CCDC171: variants seen among roughly 807,000 people sequenced by gnomAD.
CCDC171 encodes the protein coiled-coil domain containing 171, also known as coiled-coil domain-containing protein 171.
In CCDC171, 177 loss-of-function variants were observed where a neutral mutation model predicts 168.2. The observed-to-expected ratio is 1.05, with a 90% CI of 0.93 to 1.19. CCDC171 has a LOEUF of 1.19. CCDC171 is among the 50% of genes most tolerant of loss of function. CCDC171 has a pLI of 0.00. For missense variants in CCDC171, 1,991 were observed against 1,539.0 expected (o/e 1.29, Z -4.91); for synonymous variants, 687 against 540.8 (o/e 1.27, Z -3.75).
intron 23 of CCDC171, among the ~76,000 whole-genome samples, chr9:15,855,039 A>G (rs1300175827): frequency 1.3e-5 from 2 of 151,686 alleles, no homozygotes; most frequent in African/African-American, 4.8e-5. Context: ...GCATTTTAAA[A>G]GAATATGTAT....
intron 21 of CCDC171, among the ~76,000 whole-genome samples, chr9:15,792,626 C>G (rs545953330): frequency 6.6e-6 from 1 of 152,132 alleles, no homozygotes; most frequent in Non-Finnish European, 1.5e-5. Context: ...GCGGATCTCT[C>G]GGCAGAAACT....
chr9:15,887,833 A>G (rs1004819052), intron 24 of CCDC171: 12 of 152,064 alleles, frequency 7.9e-5, no homozygotes, highest in Admixed American at 6.6e-5. Context: ...CCTTCCTTCA[A>G]TTTTAGAAAA....
intron 18 of CCDC171, among the ~76,000 whole-genome samples, chr9:15,766,162 T>G (rs1457571103): frequency 1.3e-5 from 2 of 152,152 alleles, no homozygotes; most frequent in East Asian, 1.9e-4. Flanking sequence ...CCTAGGTCAC[T>G]CTGTGTCACC....
chr9:15,719,490 A>G (rs998848967), intron 11 of CCDC171, among the ~76,000 whole-genome samples: 7 of 151,862 alleles, frequency 4.6e-5, no homozygotes, highest in African/African-American at 1.7e-4. Flanking sequence ...TTCCAAAGCT[A>G]GAGAAATATA....
chr9:15,593,407 AT>A (rs1398837668), intron 5 of CCDC171, among the ~76,000 whole-genome samples: 4 of 152,148 alleles, frequency 2.6e-5, no homozygotes, highest in Non-Finnish European at 2.9e-5. Flanking sequence ...AAAGGAAAGC[AT>A]TTTTTCAAGT....
At chr9:15,951,123 G>T (rs1177415089) in intron 25 of CCDC171, among the ~76,000 whole-genome samples, 1 of 150,420 alleles carries the variant, frequency 6.6e-6, no homozygotes, top group African/African-American at 2.4e-5. Context: ...GATTCATAAA[G>T]CAAGTCCTGA....
intron 4 of CCDC171, among the ~76,000 whole-genome samples, chr9:16,021,158 G>A (rs1216134027): frequency 2.6e-5 from 4 of 152,166 alleles, no homozygotes; most frequent in Non-Finnish European, 4.4e-5. Context: ...CGTGATCTCG[G>A]CGCACTGCAA....
At chr9:15,784,432 C>T in intron 20 of CCDC171, 77 bp from the exon 21 acceptor site, 10 of 879,760 alleles carry the variant, frequency 1.1e-5, no homozygotes, top group South Asian at 6.6e-5. Flanking sequence ...TATTATATTC[C>T]TTTAGTTTTG....
the CCDC171 span, among the ~76,000 whole-genome samples, chr9:16,100,898 C>G: frequency 0.04 from 6,056 of 152,258 alleles, 385 homozygotes; most frequent in African/African-American, 0.13. Flanking sequence ...AAGCTCTCCT[C>G]TCCGATTCCC....
At chr9:15,967,390 G>A in intron 25 of CCDC171, among the ~76,000 whole-genome samples, 1 of 152,114 alleles carries the variant, frequency 6.6e-6, no homozygotes. Context: ...ATTGAATGAA[G>A]CCACATCATC....
chr9:15,655,144 G>A (rs1023607488), intron 7 of CCDC171, among the ~76,000 whole-genome samples: 1 of 150,574 alleles, frequency 6.6e-6, no homozygotes, highest in African/African-American at 2.5e-5. Context: ...TAACTAACCT[G>A]CACATTGTTC....
chr9:15,915,386 A>C (rs1824354676), intron 24 of CCDC171, among the ~76,000 whole-genome samples: 1 of 150,632 alleles, frequency 6.6e-6, no homozygotes, highest in African/African-American at 2.4e-5. Flanking sequence ...AGCTATTGGG[A>C]ATTGGATAGC....
At chr9:16,016,013 A>G (rs1833004614) in intron 3 of CCDC171, among the ~76,000 whole-genome samples, 1 of 152,144 alleles carries the variant, frequency 6.6e-6, no homozygotes, top group South Asian at 2.1e-4. Flanking sequence ...TTATCCATTC[A>G]TTTGTTGATG....
chr9:15,666,104 T>G, intron 8 of CCDC171, 59 bp from the exon 9 acceptor site: 1 of 1,469,258 alleles, frequency 6.8e-7, no homozygotes, highest in East Asian at 2.3e-5. Context: ...TTCTACTCAA[T>G]TTAAGATTGA....
chr9:15,915,783 C>G (rs919971370), intron 24 of CCDC171, among the ~76,000 whole-genome samples: 1 of 152,106 alleles, frequency 6.6e-6, no homozygotes, highest in Non-Finnish European at 1.5e-5. Context: ...TGAGGCCTCT[C>G]CCTTCTCTGC....
chr9:15,993,621 G>A (rs999437856), intron 3 of CCDC171, among the ~76,000 whole-genome samples: 1 of 152,166 alleles, frequency 6.6e-6, no homozygotes, highest in African/African-American at 2.4e-5. Flanking sequence ...AAGAGCTTCT[G>A]CACAGCAAAA....
intron 6 of CCDC171, among the ~76,000 whole-genome samples, chr9:15,623,023 C>T (rs1275031956): frequency 6.6e-6 from 1 of 152,152 alleles, no homozygotes. Context: ...TTCTCATATG[C>T]TATAACATTT....
chr9:15,664,497 C>A (rs1483091478), intron 8 of CCDC171, among the ~76,000 whole-genome samples: 1 of 151,048 alleles, frequency 6.6e-6, no homozygotes, highest in Admixed American at 6.6e-5. Flanking sequence ...GATCTGCTCA[C>A]CTTGGCCTCC....
chr9:15,784,437 G>T (rs2057830265), intron 20 of CCDC171, 72 bp from the exon 21 acceptor site: 1 of 951,942 alleles, frequency 1.1e-6, no homozygotes, highest in East Asian at 2.6e-5. Context: ...TATTCCTTTA[G>T]TTTTGAAGGT....
Sources: allele counts gnomAD v4.1 joint callset (sites outside exome capture counted in the v4.1 genomes callset), GRCh38; gene constraint gnomAD v4.1.1; transcripts MANE v1.5; gene names NCBI Gene and HGNC (gene_info 2026-07-23, HGNC 2026-07-21).